The following SMYD3 variants were observed in gnomAD, a reference collection of about 807,000 sequenced individuals.
SMYD3 encodes histone-lysine N-methyltransferase SMYD3.
SMYD3 carries 36 observed loss-of-function variants against 57.7 expected under a neutral mutation model. That is an observed-to-expected ratio of 0.62 (90% CI 0.48 to 0.82). The LOEUF (loss-of-function observed/expected upper bound fraction) is 0.82, where lower values mean the gene tolerates loss of function less well. SMYD3 is among the 40% of genes least tolerant of loss of function. The pLI is 0.00. For synonymous variants in SMYD3, 211 were observed against 195.0 expected, an observed-to-expected ratio of 1.08 and a Z score of -0.68; for missense variants, 515 against 538.8, an observed-to-expected ratio of 0.96 and a Z score of 0.44.
chr1:245,822,540 A>T (rs2049225686), intron 10 of SMYD3, among the ~76,000 whole-genome samples: 2 of 147,574 alleles, frequency 1.4e-5, no homozygotes, highest in African/African-American at 5.3e-5. Context: ...TAAAACTTAA[A>T]GTATAATAAT....
At chr1:245,967,227 G>T (rs2058178725) in intron 5 of SMYD3, among the ~76,000 whole-genome samples, 1 of 151,854 alleles carries the variant, frequency 6.6e-6, no homozygotes, top group East Asian at 1.9e-4. Flanking sequence ...TATTAATCTG[G>T]CTTTATAATA....
At chr1:246,052,014 G>A (rs1464220240) in intron 5 of SMYD3, among the ~76,000 whole-genome samples, 2 of 152,104 alleles carry the variant, frequency 1.3e-5, no homozygotes, top group African/African-American at 4.8e-5. Context: ...CTTACAAAAA[G>A]TCCAGAGCTC....
chr1:246,435,642 T>A (rs556681563), intron 1 of SMYD3, among the ~76,000 whole-genome samples: 1 of 151,634 alleles, frequency 6.6e-6, no homozygotes, highest in African/African-American at 2.4e-5. Context: ...AATTCCAAAA[T>A]AGCTTGAATG....
intron 7 of SMYD3, among the ~76,000 whole-genome samples, chr1:245,920,061 C>T (rs1234598592): frequency 6.6e-6 from 1 of 151,586 alleles, no homozygotes; most frequent in African/African-American, 2.4e-5. Flanking sequence ...CGCCTGTAAT[C>T]CCAGCACTTT....
chr1:245,890,095 A>T (rs1053099401), intron 8 of SMYD3, among the ~76,000 whole-genome samples: 1 of 152,060 alleles, frequency 6.6e-6, no homozygotes, highest in African/African-American at 2.4e-5. Context: ...TGGATTAACG[A>T]CTTAAATTTA....
intron 5 of SMYD3, among the ~76,000 whole-genome samples, chr1:246,207,541 T>C (rs114570650): frequency 0.024 from 3,655 of 152,042 alleles, 73 homozygotes; most frequent in Non-Finnish European, 0.036. Context: ...AATCATAACA[T>C]AGGAGTATAA....
intron 1 of SMYD3, among the ~76,000 whole-genome samples, chr1:246,402,904 A>C (rs1457657982): frequency 6.6e-6 from 1 of 152,216 alleles, no homozygotes; most frequent in Non-Finnish European, 1.5e-5. Flanking sequence ...TAAAATCATG[A>C]AAATAAATTT....
Position 246,221,228 on chromosome 1 carries a change from C to T in SMYD3, c.531+105973G>A, listed in dbSNP as rs147908129. ...CAAGTCTCTCTGCTAAGGAGCTGAA[C>T]GCTCATTGGGACATCCTGGCTACGG... On this transcript the variant is annotated intron_variant, in intron 5 of 11. Coordinates refer to ENST00000490107, the MANE Select transcript of SMYD3 (RefSeq NM_001167740.2). Among the ~76,000 whole-genome samples the T allele has an allele frequency of 5.0e-4, 76 of 152,266 alleles. No homozygotes were observed. In the East Asian group the frequency reaches 0.012, roughly 25 times the overall value.
At chr1:246,295,637 T>A (rs1257067006) in intron 5 of SMYD3, among the ~76,000 whole-genome samples, 1 of 152,146 alleles carries the variant, frequency 6.6e-6, no homozygotes, top group African/African-American at 2.4e-5. Flanking sequence ...AATAAAAGTA[T>A]CTGTTGGACC....
Position 246,097,973 on chromosome 1 carries a change from C to T in SMYD3, c.532-168036G>A, listed in dbSNP as rs564668418. 1.3e-4 allele frequency among the ~76,000 whole-genome samples: 20 copies of T among 152,300 alleles called. 1 individual carries two copies. The South Asian group carries it at 2.5e-3, about 19-fold the overall frequency. Reference sequence around the variant, plus strand: ...TTAAATTTACCTTCTTGCTTTTCCACCATCCTTAGTTTTGTCGTAGTGTTT... The same window carrying T: ...TTAAATTTACCTTCTTGCTTTTCCATCATCCTTAGTTTTGTCGTAGTGTTT... On this transcript the variant is annotated intron_variant, in intron 5 of 11. Coordinates refer to ENST00000490107, the MANE Select transcript of SMYD3 (RefSeq NM_001167740.2).
intron 5 of SMYD3, chr1:246,026,107 A>C (rs2059568733): frequency 6.6e-6 from 1 of 152,114 alleles, no homozygotes; most frequent in South Asian, 2.1e-4. Flanking sequence ...GTGCCACTGC[A>C]CTCCAGCCCA....
At chr1:245,773,582 C>G (rs2046425426) in intron 10 of SMYD3, among the ~76,000 whole-genome samples, 1 of 152,182 alleles carries the variant, frequency 6.6e-6, no homozygotes, top group Non-Finnish European at 1.5e-5. Flanking sequence ...CAGTCCTCCA[C>G]TTCATGTAAA....
intron 1 of SMYD3, among the ~76,000 whole-genome samples, chr1:246,505,882 C>T (rs1359971897): frequency 6.6e-6 from 1 of 152,160 alleles, no homozygotes; most frequent in Admixed American, 6.5e-5. Flanking sequence ...TTGAAAGGAA[C>T]GAATTGTTTT....
chr1:246,217,747 G>T (rs2063187465), intron 5 of SMYD3, among the ~76,000 whole-genome samples: 1 of 152,102 alleles, frequency 6.6e-6, no homozygotes, highest in African/African-American at 2.4e-5. Context: ...ATCTAGAAAT[G>T]ATAAATATAA....
chr1:246,069,824 G>A (rs563325948), intron 5 of SMYD3, among the ~76,000 whole-genome samples: 2 of 152,148 alleles, frequency 1.3e-5, no homozygotes, highest in African/African-American at 2.4e-5. Flanking sequence ...TGGGCAGGAC[G>A]AATGAGACTG....
chr1:246,187,298 A>AAG (rs1441578544), intron 5 of SMYD3, among the ~76,000 whole-genome samples: 4 of 151,942 alleles, frequency 2.6e-5, no homozygotes, highest in African/African-American at 9.7e-5. Context: ...AAAAAAAAAA[A>AAG]AAAGAAAAGA....
intron 5 of SMYD3, among the ~76,000 whole-genome samples, chr1:246,021,232 C>G (rs11810503): frequency 0.17 from 25,886 of 152,100 alleles, 2,782 homozygotes; most frequent in East Asian, 0.56. Context: ...CTTGCTGTCA[C>G]CAAACAGCAA....
chr1:245,923,666 T>C (rs1218962738), intron 7 of SMYD3, among the ~76,000 whole-genome samples: 1 of 152,202 alleles, frequency 6.6e-6, no homozygotes, highest in African/African-American at 2.4e-5. Flanking sequence ...GTCAGTCCTC[T>C]GGAAGCATTC....
At chr1:246,259,988 C>T (rs1439007691) in intron 5 of SMYD3, among the ~76,000 whole-genome samples, 2 of 152,170 alleles carry the variant, frequency 1.3e-5, no homozygotes, top group African/African-American at 4.8e-5. Context: ...TCCCCCTGAA[C>T]CAAGATCTCT....
Sources: allele counts gnomAD v4.1 joint callset (sites outside exome capture counted in the v4.1 genomes callset), GRCh38; gene constraint gnomAD v4.1.1; transcripts MANE v1.5; gene names NCBI Gene and HGNC (gene_info 2026-07-23, HGNC 2026-07-21).